Variants in ZNF385D observed in about 807,000 individuals in gnomAD.
ZNF385D encodes zinc finger protein 659.
A neutral mutation model predicts 35.8 loss-of-function variants in ZNF385D; 15 were observed. The observed-to-expected ratio is 0.42, with a 90% CI of 0.28 to 0.64. The LOEUF (loss-of-function observed/expected upper bound fraction) is 0.64. Among genes scored for constraint, ZNF385D ranks in the 30% least tolerant of loss-of-function variants. ZNF385D has a pLI of 0.23. For synonymous variants in ZNF385D, 212 were observed against 186.8 expected, an observed-to-expected ratio of 1.13 and a Z score of -1.10; for missense variants, 474 against 494.6, an observed-to-expected ratio of 0.96 and a Z score of 0.39.
At chr3:21,760,690 C>A (rs1397356105) in intron 3 of ZNF385D, among the ~76,000 whole-genome samples, 1 of 152,100 alleles carries the variant, frequency 6.6e-6, no homozygotes, top group Non-Finnish European at 1.5e-5. Context: ...CTATCAAGAG[C>A]AGTACTGACT....
intron 3 of ZNF385D, among the ~76,000 whole-genome samples, chr3:22,050,664 G>C (rs936821340): frequency 6.6e-6 from 1 of 152,118 alleles, no homozygotes; most frequent in Non-Finnish European, 1.5e-5. Context: ...GGCCACATAT[G>C]TTTTACCAGA....
chr3:21,845,394 C>T (rs762457241), intron 3 of ZNF385D, among the ~76,000 whole-genome samples: 50 of 152,096 alleles, frequency 3.3e-4, no homozygotes, highest in Non-Finnish European at 6.6e-4. Context: ...CTACGACTAA[C>T]GCTATTATAT....
intron 3 of ZNF385D, among the ~76,000 whole-genome samples, chr3:21,822,563 G>T (rs1003547807): frequency 6.6e-6 from 1 of 151,942 alleles, no homozygotes; most frequent in African/African-American, 2.4e-5. Flanking sequence ...ACAACTCACT[G>T]ATTCTAGTAG....
chr3:22,073,101 G>A (rs931461089), intron 3 of ZNF385D, among the ~76,000 whole-genome samples: 1 of 151,976 alleles, frequency 6.6e-6, no homozygotes, highest in African/African-American at 2.4e-5. Context: ...CATAAGGGCA[G>A]AGACAAGCAG....
intron 3 of ZNF385D, among the ~76,000 whole-genome samples, chr3:22,091,831 G>GT (rs1217191817): frequency 6.6e-6 from 1 of 152,116 alleles, no homozygotes; most frequent in Non-Finnish European, 1.5e-5. Context: ...CCTTCTTCCT[G>GT]TTTTTATTTT....
intron 3 of ZNF385D, among the ~76,000 whole-genome samples, chr3:21,852,613 T>C (rs1195722101): frequency 6.6e-6 from 1 of 151,932 alleles, no homozygotes; most frequent in African/African-American, 2.4e-5. Context: ...TAGGCAGTAA[T>C]TACTATCCTG....
chr3:21,456,749 A>ATAAT (rs891800305), intron 4 of ZNF385D, among the ~76,000 whole-genome samples: 9 of 151,940 alleles, frequency 5.9e-5, no homozygotes, highest in East Asian at 3.9e-4. Context: ...AAATAAATAA[A>ATAAT]TAATTAAAAA....
intron 3 of ZNF385D, among the ~76,000 whole-genome samples, chr3:22,062,275 A>C (rs528582069): frequency 3.1e-4 from 47 of 152,138 alleles, no homozygotes; most frequent in African/African-American, 1.0e-3. Context: ...AGGCGGACTT[A>C]AACTCTCGGG....
chr3:21,752,490 G>A (rs1359949433), upstream of ZNF385D, among the ~76,000 whole-genome samples: 1 of 152,252 alleles, frequency 6.6e-6, no homozygotes, highest in African/African-American at 2.4e-5. Flanking sequence ...AATGTGCATA[G>A]AAACTAGGGG....
chr3:21,671,486 C>A (rs528246202), intron 1 of ZNF385D, among the ~76,000 whole-genome samples: 1 of 152,086 alleles, frequency 6.6e-6, no homozygotes, highest in African/African-American at 2.4e-5. Context: ...CCTCTTAATT[C>A]CTTTAAAACA....
At chr3:21,808,395 G>A (rs1489627256) in intron 3 of ZNF385D, among the ~76,000 whole-genome samples, 1 of 152,098 alleles carries the variant, frequency 6.6e-6, no homozygotes. Flanking sequence ...TCTTTGCTCT[G>A]TGCTGTGGCC....
At chr3:22,310,676 CTTGTG>C (rs1703490254) in intron 2 of ZNF385D, among the ~76,000 whole-genome samples, 1 of 151,786 alleles carries the variant, frequency 6.6e-6, no homozygotes, top group African/African-American at 2.4e-5. Flanking sequence ...AGTTCTCTTT[CTTGTG>C]TTATCACTAG....
intron 4 of ZNF385D, chr3:21,443,401 G>C: frequency 8.3e-6 from 8 of 968,196 alleles, no homozygotes; most frequent in Non-Finnish European, 9.8e-6. Context: ...TGTATGCTCG[G>C]TCCTGAAAAT....
chr3:22,073,108 G>A (rs923524786), intron 3 of ZNF385D, among the ~76,000 whole-genome samples: 4 of 151,992 alleles, frequency 2.6e-5, no homozygotes, highest in African/African-American at 9.7e-5. Flanking sequence ...GCAGAGACAA[G>A]CAGTCCTGGA....
At chr3:21,796,014 G>A (rs566541354) in intron 3 of ZNF385D, among the ~76,000 whole-genome samples, 1 of 152,290 alleles carries the variant, frequency 6.6e-6, no homozygotes, top group East Asian at 1.9e-4. Context: ...TGACTATGTG[G>A]CAATACTATC....
chr3:21,487,418 T>C (rs1705115345), intron 4 of ZNF385D, among the ~76,000 whole-genome samples: 1 of 152,066 alleles, frequency 6.6e-6, no homozygotes, highest in South Asian at 2.1e-4. Flanking sequence ...ATAATAGATA[T>C]TTGGTAAGCA....
intron 3 of ZNF385D, among the ~76,000 whole-genome samples, chr3:21,522,428 C>T (rs1354455213): frequency 6.6e-6 from 1 of 152,174 alleles, no homozygotes; most frequent in Non-Finnish European, 1.5e-5. Flanking sequence ...GCAACTCCGC[C>T]TCCTGGGTTC....
rs141551913 is a variant in ZNF385D at position 22,159,548 on chromosome 3, G to C, written c.325+9269C>G. 7.1e-3 allele frequency among the ~76,000 whole-genome samples: 1,074 copies of C among 152,120 alleles called. 4 individuals carry two copies. Among genetic ancestry groups the C allele is most frequent in the Middle Eastern group, 0.037 (11 of 294 alleles). On this transcript the variant is annotated intron_variant, in intron 3 of 5. Transcript: ENST00000494108. ...ACAAAGAAATCTCTGTGTTGCAAAA[G>C]ACAGTGCCCTTCAATGGAATTCATA...
chr3:21,567,282 G>GTA (rs1480414159), intron 2 of ZNF385D, among the ~76,000 whole-genome samples: 1 of 152,138 alleles, frequency 6.6e-6, no homozygotes, highest in Non-Finnish European at 1.5e-5. Flanking sequence ...TGGGCCTGCT[G>GTA]TAGAATAGCG....
Sources: gnomAD v4.1 joint callset for allele counts (sites outside exome capture counted in the v4.1 genomes callset) on GRCh38, gnomAD v4.1.1 for gene constraint, MANE v1.5 for transcripts, NCBI Gene and HGNC (gene_info 2026-07-23, HGNC 2026-07-21) for gene names.